Variants in TXNRD3 observed in about 807,000 individuals in gnomAD.
The protein encoded by TXNRD3 is TXNRD3 neighbor gene protein.
In TXNRD3, 68 loss-of-function variants were observed where a neutral mutation model predicts 78.2. That is an observed-to-expected ratio of 0.87 (90% CI 0.72 to 1.06). The LOEUF is 1.06. TXNRD3 is among the 50% of genes least tolerant of loss of function. The pLI is 0.00. For missense variants in TXNRD3, 751 were observed against 809.5 expected (o/e 0.93, Z 0.88); for synonymous variants, 296 against 300.1 (o/e 0.99, Z 0.14).
At chr3:126,636,608 C>A (rs1429749600) in intron 6 of TXNRD3, among the ~76,000 whole-genome samples, 1 of 152,166 alleles carries the variant, frequency 6.6e-6, no homozygotes, top group African/African-American at 2.4e-5. Flanking sequence ...GGGCTGACCC[C>A]CTCCCTGCAC....
chr3:126,629,145 T>C (rs1431099259), intron 10 of TXNRD3, among the ~76,000 whole-genome samples: 1 of 152,174 alleles, frequency 6.6e-6, no homozygotes, highest in South Asian at 2.1e-4. Flanking sequence ...CATCTGGATA[T>C]ATGTGCTTCC....
chr3:126,640,593 A>G (rs1933050866), intron 6 of TXNRD3, among the ~76,000 whole-genome samples: 1 of 152,126 alleles, frequency 6.6e-6, no homozygotes, highest in South Asian at 2.1e-4. Flanking sequence ...GCCCACATCT[A>G]CCAGATCAAA....
At chr3:126,643,334 G>A (rs1933140290) in intron 5 of TXNRD3, among the ~76,000 whole-genome samples, 1 of 152,194 alleles carries the variant, frequency 6.6e-6, no homozygotes, top group African/African-American at 2.4e-5. Context: ...TCTTTTCACT[G>A]TGGAAAAACA....
intron 12 of TXNRD3, among the ~76,000 whole-genome samples, chr3:126,617,423 C>A (rs964287654): frequency 1.3e-5 from 2 of 152,188 alleles, no homozygotes; most frequent in African/African-American, 2.4e-5. Flanking sequence ...CCAGCAGAGA[C>A]CCCTCCCCAG....
intron 6 of TXNRD3, among the ~76,000 whole-genome samples, chr3:126,637,932 CTTTTTTTTTT>C (rs71615916): frequency 3.3e-4 from 20 of 60,192 alleles, no homozygotes; most frequent in Admixed American, 1.6e-3. Context: ...ATTTCTCTCT[CTTTTTTTTTT>C]TTTTTTTTTT....
chr3:126,648,664 C>G (rs1367765225), intron 1 of TXNRD3, among the ~76,000 whole-genome samples: 1 of 152,154 alleles, frequency 6.6e-6, no homozygotes, highest in South Asian at 2.1e-4. Context: ...GAAACTGGAC[C>G]CTTACCTAAC....
chr3:126,644,726 T>C (rs1421403154), intron 3 of TXNRD3, among the ~76,000 whole-genome samples: 1 of 152,244 alleles, frequency 6.6e-6, no homozygotes, highest in African/African-American at 2.4e-5. Flanking sequence ...AATATTATAG[T>C]CAAGTGCAGT....
In TXNRD3 at chr3:126,644,012, A is replaced by G. The variant is rs1205885650; in HGVS notation, c.561T>C (p.Phe187=). The G allele has an allele frequency of 6.5e-7, 1 of 1,536,078 alleles. No homozygotes were observed. Among genetic ancestry groups the G allele is most frequent in the Non-Finnish European group, 8.7e-7 (1 of 1,146,908 alleles). Residue 187 remains phenylalanine (F), a synonymous_variant, in exon 5 of 16, where the codon TTT becomes TTC. Transcript: ENST00000524230. Reference sequence around the variant, plus strand: ...ATGTGCCCTGAGGTGACGGGACAACAAAGTCTAGCACCATAACTTTCTTTC... The same window carrying G: ...ATGTGCCCTGAGGTGACGGGACAACGAAGTCTAGCACCATAACTTTCTTTC...
intron 1 of TXNRD3, among the ~76,000 whole-genome samples, chr3:126,654,371 C>T: frequency 6.6e-6 from 1 of 152,180 alleles, no homozygotes; most frequent in Non-Finnish European, 1.5e-5. Flanking sequence ...TATTCTTAAA[C>T]ACAGAATACA....
Position 126,615,353 on chromosome 3 carries a change from AC to A in TXNRD3, c.1632+1del. 1.4e-6 allele frequency: 2 copies of A among 1,390,514 alleles called. No homozygotes were observed. The highest frequency in any genetic ancestry group is 1.9e-6 in the Non-Finnish European group (2 of 1,047,924). 86.1% of individuals were successfully genotyped at this position (1,390,514 alleles called of 1,614,324 possible). On this transcript the variant is annotated splice_donor_variant, in intron 13 of 15. Transcript: ENST00000524230. LOFTEE classifies it high-confidence loss of function. ...TAAGGAAGTAATAAAACACAATCTTACTTCTAGATTCTCTTTTTTATATACT... is the reference window on the plus strand; with the variant it reads ...TAAGGAAGTAATAAAACACAATCTTATTCTAGATTCTCTTTTTTATATACT...
intron 13 of TXNRD3, among the ~76,000 whole-genome samples, chr3:126,612,071 C>T (rs1938211489): frequency 1.3e-5 from 2 of 152,134 alleles, no homozygotes; most frequent in Non-Finnish European, 2.9e-5. Context: ...CAGGGTCTCA[C>T]TTTGTCACCC....
intron 12 of TXNRD3, among the ~76,000 whole-genome samples, chr3:126,617,590 G>A (rs80336935): frequency 6.6e-6 from 1 of 152,272 alleles, no homozygotes; most frequent in East Asian, 1.9e-4. Flanking sequence ...AAAACAACTG[G>A]AGAAATTCAG....
Position 126,630,898 on chromosome 3 carries a change from T to C in TXNRD3, c.1011A>G (p.Thr337=). 2 of 1,536,104 alleles carry C rather than the reference T, an allele frequency of 1.3e-6. No homozygotes were observed. Among genetic ancestry groups the C allele is most frequent in the Non-Finnish European group, 1.7e-6 (2 of 1,146,886 alleles). Residue 337 remains threonine (T), a synonymous_variant, in exon 9 of 16, where the codon ACA becomes ACG. Transcript: ENST00000524230. The stretch of plus-strand genomic sequence containing the variant: ...CAACATAAGAGGCACCCACCACTAA[T>C]GTTTTGCCAGGGCAATAAGGCAGAG...
intron 6 of TXNRD3, among the ~76,000 whole-genome samples, chr3:126,634,397 C>T (rs1938800290): frequency 6.6e-6 from 1 of 152,148 alleles, no homozygotes; most frequent in African/African-American, 2.4e-5. Context: ...TCCATGGGAC[C>T]TACTTTACTT....
In TXNRD3 at chr3:126,644,015, G is replaced by A; in HGVS notation, c.558C>T (p.Asp186=). The stretch of plus-strand genomic sequence containing the variant: ...TGCCCTGAGGTGACGGGACAACAAA[G>A]TCTAGCACCATAACTTTCTTTCCCA... The change falls in exon 5 of 16, where the codon GAC becomes GAT. Residue 186 remains aspartate, a synonymous_variant. Coordinates refer to ENST00000524230, the MANE Select transcript of TXNRD3 (RefSeq NM_052883.3). The A allele has an allele frequency of 6.5e-7, 1 of 1,536,054 alleles. No individual in the cohort carries two copies. The highest frequency in any genetic ancestry group is 8.7e-7 in the Non-Finnish European group (1 of 1,146,902).
In TXNRD3 at chr3:126,607,800, T is replaced by A; in HGVS notation, c.*105A>T. ...CGTAAGACAGCCCTGCACTGGTCCC[T>A]GAGTAACAGAGCAGCTGTCATGAGC... is the stretch of plus-strand genomic sequence containing the variant. On this transcript the variant is annotated 3_prime_UTR_variant, in exon 16 of 16. Transcript: ENST00000524230. The A allele has an allele frequency of 1.1e-6, 1 of 909,118 alleles. No individual in the cohort carries two copies. The highest frequency in any genetic ancestry group is 2.2e-5 in the South Asian group (1 of 46,280). 56.3% of individuals were successfully genotyped at this position (909,118 alleles called of 1,614,324 possible).
At chr3:126,621,681 A>G in intron 12 of TXNRD3, 61 bp downstream of exon 12, 1 of 1,381,958 alleles carries the variant, frequency 7.2e-7, no homozygotes, top group Non-Finnish European at 9.4e-7. Flanking sequence ...TTTTACTTGT[A>G]TTAGTTTTAA....
intron 7 of TXNRD3, among the ~76,000 whole-genome samples, chr3:126,632,659 C>CAAAA: frequency 1.7e-5 from 1 of 59,334 alleles, no homozygotes; most frequent in Non-Finnish European, 3.6e-5. Flanking sequence ...GACTCTGTCT[C>CAAAA]AAAAAAAAAA....
At chr3:126,640,094 C>CTTTTTTTTTTTTTTTTTTTTT (rs747114940) in intron 6 of TXNRD3, among the ~76,000 whole-genome samples, 1 of 14,322 alleles carries the variant, frequency 7.0e-5, no homozygotes, top group East Asian at 1.2e-3. Context: ...CTTGTGTTTT[C>CTTTTTTTTTTTTTTTTTTTTT]TTTTTTTTTT....
Sources: gnomAD v4.1 joint callset for allele counts (sites outside exome capture counted in the v4.1 genomes callset) on GRCh38, gnomAD v4.1.1 for gene constraint, MANE v1.5 for transcripts, NCBI Gene and HGNC (gene_info 2026-07-23, HGNC 2026-07-21) for gene names.